TNS4: variants seen among roughly 807,000 people sequenced by gnomAD.
The protein encoded by TNS4 is tensin 4, also known as tensin-4.
In TNS4, 46 loss-of-function variants were observed where a neutral mutation model predicts 70.4. That is an observed-to-expected ratio of 0.65 (90% CI 0.52 to 0.84). TNS4 has a LOEUF of 0.84. TNS4 is among the 40% of genes least tolerant of loss of function. TNS4 has a pLI of 0.00. For missense variants in TNS4, 863 were observed against 907.0 expected (o/e 0.95, Z 0.62); for synonymous variants, 390 against 366.6 (o/e 1.06, Z -0.73).
At chr17:40,483,099 C>T (rs772572963) in intron 6 of TNS4, among the ~76,000 whole-genome samples, 1 of 151,856 alleles carries the variant, frequency 6.6e-6, no homozygotes, top group East Asian at 1.9e-4. Flanking sequence ...ACAGGCGTGC[C>T]CCACCATGTC....
rs746340737 is a variant in TNS4 at position 40,496,303 on chromosome 17, A to G, written c.123T>C (p.Ser41=). The G allele has an allele frequency of 1.9e-6, 3 of 1,613,510 alleles. No homozygotes were observed. The highest frequency in any genetic ancestry group is 2.5e-6 in the Non-Finnish European group (3 of 1,179,744). The change falls in exon 2 of 13, where the codon TCT becomes TCC. Residue 41 remains serine (S), a synonymous_variant. Transcript: ENST00000254051. ...CTCCCCAGCCTTCCGTGGTGTAGTA[A>G]GAACACTGGGGTGGCAGGCTGGGGC... ...APSPSLPPQC[S]YYTTEGWGAQ...
rs1377820589 is a variant in TNS4 at position 40,477,400 on chromosome 17, G to A, written c.*188C>T. ...TCTATGATTGAGGAAACTGAGGCCC[G>A]GGGGGTCTGGATGATGGTGACTGCT... On this transcript the variant is annotated 3_prime_UTR_variant, in exon 13 of 13. Coordinates refer to ENST00000254051, the MANE Select transcript of TNS4 (RefSeq NM_032865.6). 3 of 613,656 alleles carry A rather than the reference G, an allele frequency of 4.9e-6. No homozygotes were observed. Among genetic ancestry groups the A allele is most frequent in the East Asian group, 3.0e-5 (1 of 32,928 alleles). 38.0% of individuals were successfully genotyped at this position (613,656 alleles called of 1,614,324 possible).
At chr17:40,479,602 C>T in intron 10 of TNS4, 72 bp downstream of exon 10, 1 of 1,537,670 alleles carries the variant, frequency 6.5e-7, no homozygotes, top group South Asian at 1.2e-5. Flanking sequence ...CCCTGATCTG[C>T]AGCTGTCTCA....
chr17:40,483,466 G>T (rs1243736855), intron 6 of TNS4, among the ~76,000 whole-genome samples: 1 of 152,192 alleles, frequency 6.6e-6, no homozygotes, highest in Non-Finnish European at 1.5e-5. Flanking sequence ...CTCCCAAAGT[G>T]CTGGGATTAC....
chr17:40,480,816 T>C (rs1248845655), intron 8 of TNS4, 48 bp from the exon 9 acceptor site: 1 of 1,582,176 alleles, frequency 6.3e-7, no homozygotes. Flanking sequence ...GGGGGTGGAG[T>C]GAATGGACCC....
chr17:40,489,578 C>T (rs760825087), intron 2 of TNS4, among the ~76,000 whole-genome samples: 30 of 152,064 alleles, frequency 2.0e-4, no homozygotes, highest in Admixed American at 1.9e-3. Flanking sequence ...GAGGCCTAGG[C>T]GGGTGGATCA....
chr17:40,494,093 C>A (rs2143823807), intron 2 of TNS4, among the ~76,000 whole-genome samples: 1 of 152,352 alleles, frequency 6.6e-6, no homozygotes, highest in Admixed American at 6.5e-5. Flanking sequence ...GCCCAGGAAC[C>A]CTGGGTGCCA....
chr17:40,493,722 G>A lies in TNS4; in HGVS notation c.439+2265C>T, dbSNP rs531799614. On this transcript the variant is annotated intron_variant, in intron 2 of 12. Coordinates refer to ENST00000254051, the MANE Select transcript of TNS4 (RefSeq NM_032865.6). The stretch of plus-strand genomic sequence containing the variant: ...TGGACACATGTTCACAATGGCATGT[G>A]GTGCCCAGGGCATCTGTGGATGTGG... Among the ~76,000 whole-genome samples, 94 of 152,304 alleles carry A rather than the reference G, an allele frequency of 6.2e-4. 2 individuals are homozygous for A. In the South Asian group the frequency reaches 0.017, roughly 27 times the overall value.
Position 40,478,297 on chromosome 17 carries a change from A to C in TNS4, c.2006+10T>G. The C allele has an allele frequency of 3.7e-6, 6 of 1,613,254 alleles. No individual in the cohort carries two copies. The highest frequency in any genetic ancestry group is 5.1e-6 in the Non-Finnish European group (6 of 1,179,744). On this transcript the variant is annotated intron_variant, in intron 12 of 12. Transcript: ENST00000254051. ...GTTGGGTTTGGGGCCCTGAGACAGG[A>C]AGGCCTTACCAGGAGGGTTTGCAGT...
rs1249141379 is a variant in TNS4 at position 40,487,291 on chromosome 17, G to T, written c.1033C>A (p.Pro345Thr). 2 of 1,614,082 alleles carry T rather than the reference G, an allele frequency of 1.2e-6. No homozygotes were observed. Among genetic ancestry groups the T allele is most frequent in the Non-Finnish European group, 1.7e-6 (2 of 1,180,048 alleles). Residue 345 changes from proline to threonine, a missense_variant, in exon 4 of 13, where the codon CCC (proline) becomes ACC (threonine). By Grantham distance (38) the Pro-to-Thr change is conservative (BLOSUM62 -1). Coordinates refer to ENST00000254051, the MANE Select transcript of TNS4 (RefSeq NM_032865.6). ...AGTGGTGGAGAGTGGGGTGTTCTGG[G>T]TTGGCCCATGGTTAGGGTGGGGTTT... ...PRNPTLTMGQ[P>T]RTPHSPPLAK...
chr17:40,491,391 T>C (rs992434416), intron 2 of TNS4, among the ~76,000 whole-genome samples: 8 of 152,192 alleles, frequency 5.3e-5, no homozygotes, highest in African/African-American at 1.7e-4. Flanking sequence ...TTAATGCCCA[T>C]ATAACAGATG....
At chr17:40,477,846 G>T in intron 12 of TNS4, 117 bp from the exon 13 acceptor site, 2 of 946,334 alleles carry the variant, frequency 2.1e-6, no homozygotes, top group Non-Finnish European at 3.3e-6. Context: ...CCCTCCCTTA[G>T]CCAATTGACT....
chr17:40,488,915 T>C lies in TNS4; in HGVS notation c.494A>G (p.Gln165Arg), dbSNP rs138122099. 14 of 1,602,734 alleles carry C rather than the reference T, an allele frequency of 8.7e-6. No homozygotes were observed. Among genetic ancestry groups the C allele is most frequent in the Non-Finnish European group, 1.0e-5 (12 of 1,176,390 alleles). The change falls in exon 3 of 13, where the codon CAG (glutamine) becomes CGG (arginine). Residue 165 changes from glutamine to arginine, a missense_variant. Coordinates refer to ENST00000254051, the MANE Select transcript of TNS4 (RefSeq NM_032865.6). ...SARSRCHDGPQHCSSPSVTPP... is the reference protein window; with the variant it reads ...SARSRCHDGPRHCSSPSVTPP... ...GGTGACAGAGGGGCTGGAGCAGTGCTGGGGGCCATCGTGGCACCTTGATCT... is the reference window on the plus strand; with the variant it reads ...GGTGACAGAGGGGCTGGAGCAGTGCCGGGGGCCATCGTGGCACCTTGATCT...
intron 2 of TNS4, among the ~76,000 whole-genome samples, chr17:40,490,012 G>A (rs888816602): frequency 1.3e-5 from 2 of 152,280 alleles, no homozygotes; most frequent in African/African-American, 4.8e-5. Flanking sequence ...ACATCACCTG[G>A]GCTCCACCCC....
At chr17:40,478,435 G>A (rs2035878262) in intron 11 of TNS4, 102 bp from the exon 12 acceptor site, 2 of 1,366,562 alleles carry the variant, frequency 1.5e-6, no homozygotes, top group Middle Eastern at 2.2e-4. Flanking sequence ...ACCCCACCAT[G>A]CCCCACCCTA....
intron 6 of TNS4, among the ~76,000 whole-genome samples, chr17:40,483,356 T>C (rs1022579735): frequency 2.0e-5 from 3 of 152,034 alleles, no homozygotes; most frequent in Non-Finnish European, 4.4e-5. Flanking sequence ...ACTACAGGTG[T>C]GCTCCACCAC....
At chr17:40,495,040 A>G (rs2143826371) in intron 2 of TNS4, among the ~76,000 whole-genome samples, 1 of 151,714 alleles carries the variant, frequency 6.6e-6, no homozygotes, top group East Asian at 1.9e-4. Flanking sequence ...GGTGCCCTGG[A>G]ATTGGCTTGT....
rs1393910053 is a variant in TNS4 at position 40,488,755 on chromosome 17, TGA to T, written c.652_653del (p.Ser218ArgfsTer63). Reference protein sequence around the residue: ...GRGHQRPLPPSEGLSPRPPNS... With the variant: ...GRGHQRPLPPXEGLSPRPPNS... ...TTGGGGGTCGAGGGGAGAGACCCTCTGAGGGGGGCAGAGGGCGCTGGTGCCCC... is the reference window on the plus strand; with the variant it reads ...TTGGGGGTCGAGGGGAGAGACCCTCTGGGGGGCAGAGGGCGCTGGTGCCCC... On this transcript the variant is annotated frameshift_variant, in exon 3 of 13. Transcript: ENST00000254051. LOFTEE classifies it high-confidence loss of function. 11 of 1,602,630 alleles carry T rather than the reference TGA, an allele frequency of 6.9e-6. No homozygotes were observed. Among genetic ancestry groups the T allele is most frequent in the Non-Finnish European group, 8.5e-6 (10 of 1,176,082 alleles).
chr17:40,479,785 G>A lies in TNS4; in HGVS notation c.1799C>T (p.Ala600Val), dbSNP rs762818748. The stretch of plus-strand genomic sequence containing the variant: ...GGTGGTGGAGATGGCTTTCTGCACG[G>A]CCAGGGCTCCAGTCAGGGTCTCCAC... ...VSVETLTGAL[A>V]VQKAISTTFE... The change falls in exon 10 of 13, where the codon GCC becomes GTC. Residue 600 changes from alanine (A) to valine (V), a missense_variant. Coordinates refer to ENST00000254051, the MANE Select transcript of TNS4 (RefSeq NM_032865.6). The A allele has an allele frequency of 1.9e-6, 3 of 1,613,836 alleles. No homozygotes were observed. The highest frequency in any genetic ancestry group is 1.3e-5 in the African/African-American group (1 of 74,916).
Sources: gnomAD v4.1 joint callset for allele counts (sites outside exome capture counted in the v4.1 genomes callset) on GRCh38, gnomAD v4.1.1 for gene constraint, MANE v1.5 for transcripts, NCBI Gene and HGNC (gene_info 2026-07-23, HGNC 2026-07-21) for gene names.